Variants in ACBD6 observed in about 807,000 individuals in gnomAD.
The protein encoded by ACBD6 is acyl-CoA-binding domain-containing protein 6.
In ACBD6, 28 loss-of-function variants were observed where a neutral mutation model predicts 37.2. That is an observed-to-expected ratio of 0.75 (90% CI 0.56 to 1.03). ACBD6 has a LOEUF of 1.03. Ranked by LOEUF, ACBD6 falls within the 50% of genes least tolerant of loss-of-function variation. ACBD6 has a pLI of 0.00. For synonymous variants in ACBD6, 113 were observed against 126.8 expected (o/e 0.89, Z 0.73); for missense variants, 340 against 337.4 (o/e 1.01, Z -0.06).
chr1:180,288,040 T>C (rs1395847834), downstream of ACBD6, among the ~76,000 whole-genome samples: 1 of 152,216 alleles, frequency 6.6e-6, no homozygotes, highest in African/African-American at 2.4e-5. Context: ...GTATGTTTTT[T>C]AAAAAAGCAG....
At position 180,400,276 on chromosome 1, in the gene ACBD6, G is replaced by T. The variant is rs114793930; in HGVS notation, c.574-2671C>A. Among the ~76,000 whole-genome samples, 792 of 152,238 alleles carry T rather than the reference G, an allele frequency of 5.2e-3. 4 individuals carry two copies. The highest frequency in any genetic ancestry group is 0.018 in the African/African-American group (733 of 41,538). On this transcript the variant is annotated intron_variant, in intron 5 of 7. Coordinates refer to ENST00000367595, the MANE Select transcript of ACBD6 (RefSeq NM_032360.4). ...CACTTTGGATATATTTTCCAGAAGC[G>T]GGGCACATGTATAGCAATGTTTTAA...
chr1:180,353,573 G>C (rs576111183), intron 6 of ACBD6, among the ~76,000 whole-genome samples: 2 of 151,966 alleles, frequency 1.3e-5, no homozygotes, highest in Admixed American at 1.3e-4. Context: ...CTCAGACTAA[G>C]ATATTTTAAA....
chr1:180,302,186 T>TAA (rs113476815), intron 7 of ACBD6, among the ~76,000 whole-genome samples: 22 of 151,734 alleles, frequency 1.4e-4, no homozygotes, highest in African/African-American at 5.3e-4. Context: ...AGAGTATAAT[T>TAA]AAAAAAATAG....
intron 6 of ACBD6, among the ~76,000 whole-genome samples, chr1:180,333,987 G>A (rs999482057): frequency 1.8e-4 from 28 of 152,330 alleles, no homozygotes; most frequent in Non-Finnish European, 2.6e-4. Context: ...TGCCATTGCC[G>A]AGGCTTGAGT....
intron 8 of ACBD6, among the ~76,000 whole-genome samples, chr1:180,282,481 A>G (rs188505905): frequency 6.6e-6 from 1 of 152,338 alleles, no homozygotes; most frequent in Admixed American, 6.5e-5. Context: ...AGCCCAGGCA[A>G]GAACTTTGGG....
chr1:180,401,811 G>A (rs977957664), intron 5 of ACBD6, among the ~76,000 whole-genome samples: 2 of 149,794 alleles, frequency 1.3e-5, no homozygotes, highest in East Asian at 1.9e-4. Flanking sequence ...AAAATGGTAA[G>A]GGGAGGGGAG....
intron 6 of ACBD6, among the ~76,000 whole-genome samples, chr1:180,338,514 TAC>T (rs1347375795): frequency 1.3e-5 from 2 of 152,188 alleles, no homozygotes; most frequent in East Asian, 3.8e-4. Context: ...TTACACCTTC[TAC>T]AAAAATTAAT....
At chr1:180,326,859 C>T (rs1010716867) in intron 6 of ACBD6, among the ~76,000 whole-genome samples, 2 of 152,024 alleles carry the variant, frequency 1.3e-5, no homozygotes, top group African/African-American at 2.4e-5. Context: ...GGAGGTAGGC[C>T]GTGGAATGGG....
intron 3 of ACBD6, among the ~76,000 whole-genome samples, 186 bp from the exon 4 acceptor site, chr1:180,430,448 G>T (rs1208350318): frequency 3.3e-5 from 5 of 152,136 alleles, no homozygotes; most frequent in Non-Finnish European, 7.4e-5. Flanking sequence ...GTCATCACAG[G>T]AGTGGAATGG....
At chr1:180,440,197 C>T (rs112182840) in intron 3 of ACBD6, among the ~76,000 whole-genome samples, 1,630 of 152,254 alleles carry the variant, frequency 0.011, 15 homozygotes, top group Admixed American at 0.018. Flanking sequence ...CAACCTCTGC[C>T]TCCTGGGTTC....
At chr1:180,405,653 A>G (rs1647593481) in intron 5 of ACBD6, among the ~76,000 whole-genome samples, 1 of 152,210 alleles carries the variant, frequency 6.6e-6, no homozygotes, top group South Asian at 2.1e-4. Flanking sequence ...AATACTATCA[A>G]TAAGCATGTA....
intron 1 of ACBD6, among the ~76,000 whole-genome samples, chr1:180,499,855 T>C (rs1651884702): frequency 6.6e-6 from 1 of 152,200 alleles, no homozygotes; most frequent in Admixed American, 6.5e-5. Context: ...TACCATTTGT[T>C]CCTACAGCTT....
chr1:180,436,526 T>C (rs751702141), intron 3 of ACBD6, among the ~76,000 whole-genome samples: 4 of 152,206 alleles, frequency 2.6e-5, no homozygotes, highest in Non-Finnish European at 5.9e-5. Flanking sequence ...ACTTATTCCT[T>C]CTTGCGTTGT....
At chr1:180,323,661 CTCT>C (rs1225395695) in intron 6 of ACBD6, among the ~76,000 whole-genome samples, 5 of 151,898 alleles carry the variant, frequency 3.3e-5, no homozygotes, top group South Asian at 4.1e-4. Context: ...ATGACCTTGT[CTCT>C]TCTTATAGTT....
intron 3 of ACBD6, among the ~76,000 whole-genome samples, chr1:180,451,948 A>G (rs1347999461): frequency 1.3e-5 from 2 of 152,166 alleles, no homozygotes; most frequent in African/African-American, 4.8e-5. Flanking sequence ...AAAACTAGGA[A>G]AGACTATACT....
chr1:180,374,775 T>C (rs1653375508), intron 6 of ACBD6, among the ~76,000 whole-genome samples: 2 of 152,078 alleles, frequency 1.3e-5, no homozygotes, highest in African/African-American at 4.8e-5. Flanking sequence ...TGACTTAACA[T>C]CATATAAATG....
chr1:180,345,407 T>C lies in ACBD6; in HGVS notation c.664-30685A>G, dbSNP rs953571358. On this transcript the variant is annotated intron_variant, in intron 6 of 7. Transcript: ENST00000367595. ...GCTATGAAATAGGCACTTTCATTAG[T>C]TGTTAGGAGCATACATTAGTATAAA... 1.6e-4 allele frequency among the ~76,000 whole-genome samples: 25 copies of C among 152,170 alleles called. 1 individual carries two copies. Among genetic ancestry groups the C allele is most frequent in the Admixed American group, 8.5e-4 (13 of 15,282 alleles).
chr1:180,286,759 T>C (rs1182243173), downstream of ACBD6, among the ~76,000 whole-genome samples: 1 of 152,232 alleles, frequency 6.6e-6, no homozygotes, highest in Non-Finnish European at 1.5e-5. Context: ...GATTTTGGTT[T>C]ATATCTCAGA....
At chr1:180,366,336 G>A (rs559609259) in intron 6 of ACBD6, among the ~76,000 whole-genome samples, 3 of 152,290 alleles carry the variant, frequency 2.0e-5, no homozygotes, top group African/African-American at 7.2e-5. Flanking sequence ...AGGTAGCTTA[G>A]ACATTTAGAA....
Sources: gnomAD v4.1 joint callset for allele counts (sites outside exome capture counted in the v4.1 genomes callset) on GRCh38, gnomAD v4.1.1 for gene constraint, MANE v1.5 for transcripts, NCBI Gene and HGNC (gene_info 2026-07-23, HGNC 2026-07-21) for gene names.